FNDC3A: variants seen among roughly 807,000 people sequenced by gnomAD.
FNDC3A encodes fibronectin type III domain containing 3A, also known as fibronectin type-III domain-containing protein 3A.
In FNDC3A, 32 loss-of-function variants were observed where a neutral mutation model predicts 148.9. The ratio of observed to expected loss-of-function variants is 0.21; its 90% CI spans 0.16 to 0.29. FNDC3A has a LOEUF of 0.29. Among genes scored for constraint, FNDC3A ranks in the 10% least tolerant of loss-of-function variants. FNDC3A has a pLI of 1.00. For missense variants in FNDC3A, 1,191 were observed against 1,452.8 expected, an observed-to-expected ratio of 0.82 and a Z score of 2.93; for synonymous variants, 472 against 473.6, an observed-to-expected ratio of 1.00 and a Z score of 0.04.
At chr13:49,168,985 CAT>C (rs1395019047) in intron 10 of FNDC3A, among the ~76,000 whole-genome samples, 1 of 152,140 alleles carries the variant, frequency 6.6e-6, no homozygotes, top group Non-Finnish European at 1.5e-5. Context: ...TTACATTGCA[CAT>C]GTGATGACAT....
At chr13:49,137,336 T>C (rs529398420) in intron 6 of FNDC3A, among the ~76,000 whole-genome samples, 3 of 152,070 alleles carry the variant, frequency 2.0e-5, no homozygotes, top group African/African-American at 4.8e-5. Flanking sequence ...CTTTGTTTTA[T>C]TGGTTTTTGT....
At chr13:49,195,597 T>G (rs1886108331) in intron 19 of FNDC3A, among the ~76,000 whole-genome samples, 1 of 152,244 alleles carries the variant, frequency 6.6e-6, no homozygotes, top group South Asian at 2.1e-4. Context: ...ACTTGATATT[T>G]TTAAAATCCC....
intron 2 of FNDC3A, among the ~76,000 whole-genome samples, chr13:49,050,163 T>C (rs1875733759): frequency 6.6e-6 from 1 of 152,220 alleles, no homozygotes. Context: ...ATGTTCGTTA[T>C]TTCTTTTCTT....
intron 4 of FNDC3A, among the ~76,000 whole-genome samples, chr13:49,130,533 T>G (rs1407134561): frequency 6.6e-6 from 1 of 152,146 alleles, no homozygotes; most frequent in Non-Finnish European, 1.5e-5. Flanking sequence ...CCAAAATTAC[T>G]CCATCAGGAA....
At chr13:49,172,224 G>C in intron 11 of FNDC3A, 128 bp downstream of exon 11, 1 of 532,730 alleles carries the variant, frequency 1.9e-6, no homozygotes, top group Non-Finnish European at 3.3e-6. Context: ...ATTTTGTGTG[G>C]TGCATGAGTG....
At chr13:49,202,353 T>G (rs1235811595) in intron 24 of FNDC3A, among the ~76,000 whole-genome samples, 5 of 152,228 alleles carry the variant, frequency 3.3e-5, no homozygotes, top group Admixed American at 2.0e-4. Flanking sequence ...CTTGGTCATC[T>G]GTTAAGCAAA....
At chr13:48,978,304 G>A (rs1483427041) in intron 1 of FNDC3A, among the ~76,000 whole-genome samples, 1 of 151,790 alleles carries the variant, frequency 6.6e-6, no homozygotes, top group Non-Finnish European at 1.5e-5. Flanking sequence ...TTAACCCCCC[G>A]AAAAAAAGAG....
rs1289382636 is a variant in FNDC3A, at chr13:49,070,908, C to CT, written c.100-4373dup. On this transcript the variant is annotated intron_variant, in intron 2 of 25. Transcript: ENST00000492622. ...TTTTTTTTTTTGTTTTGTTTTTTTT[C>CT]TTTTTTTTGAGACAGGATCTCACTT... is the stretch of plus-strand genomic sequence containing the variant. 5.2e-3 allele frequency among the ~76,000 whole-genome samples: 389 copies of CT among 74,648 alleles called. 4 individuals carry two copies. The highest frequency in any genetic ancestry group is 0.017 in the African/African-American group (358 of 20,942). The allele number at this position is 74,648 out of a possible 152,430, so 49.0% of individuals were successfully genotyped here.
At chr13:49,175,153 A>G (rs2138063553) in intron 12 of FNDC3A, among the ~76,000 whole-genome samples, 1 of 152,326 alleles carries the variant, frequency 6.6e-6, no homozygotes, top group African/African-American at 2.4e-5. Context: ...AAGGCTTACA[A>G]ATCTGAACAA....
chr13:49,157,522 G>A lies in FNDC3A; in HGVS notation c.978-9722G>A, dbSNP rs1487847610. ...GTCTGAAGCCTTCTTCTCTCAGCTC[G>A]TCAAAGTCATTCTCCATCCAGCTTT... On this transcript the variant is annotated intron_variant, in intron 8 of 25. Transcript: ENST00000492622. 1.0e-4 allele frequency among the ~76,000 whole-genome samples: 15 copies of A among 149,314 alleles called. No individual in the cohort carries two copies. In the South Asian group the frequency reaches 1.7e-3, roughly 17 times the overall value.
At chr13:49,055,590 C>G (rs1465044668) in intron 2 of FNDC3A, among the ~76,000 whole-genome samples, 1 of 152,210 alleles carries the variant, frequency 6.6e-6, no homozygotes, top group East Asian at 1.9e-4. Context: ...TTGGTCTCCA[C>G]AACCCCTTAT....
chr13:49,207,202 G>T lies in FNDC3A; in HGVS notation c.3404G>T (p.Gly1135Val). The change falls in exon 26 of 26, where the codon GGT (glycine) becomes GTT (valine). Residue 1135 changes from glycine to valine, a missense_variant. By Grantham distance (109) the Gly-to-Val change is moderately radical (BLOSUM62 -3). Coordinates refer to ENST00000492622, the MANE Select transcript of FNDC3A (RefSeq NM_001079673.2). ...TCTCTGGGACACCAGGACCTCGTAG[G>T]TCCCTACAGCACCACAGTGCTCTTC... ...QDSLGHQDLV[G>V]PYSTTVLFIS... 6.2e-7 allele frequency: 1 copy of T among 1,614,164 alleles called. No homozygotes were observed. The highest frequency in any genetic ancestry group is 8.5e-7 in the Non-Finnish European group (1 of 1,180,008).
At chr13:49,160,928 T>G (rs1439025372) in intron 8 of FNDC3A, among the ~76,000 whole-genome samples, 1 of 152,214 alleles carries the variant, frequency 6.6e-6, no homozygotes, top group Non-Finnish European at 1.5e-5. Context: ...AGTTATGCGG[T>G]TTTGAGTGAG....
chr13:49,184,951 G>A (rs1318685383), intron 14 of FNDC3A, among the ~76,000 whole-genome samples: 1 of 149,168 alleles, frequency 6.7e-6, no homozygotes, highest in Non-Finnish European at 1.5e-5. Flanking sequence ...GCATAAGGGG[G>A]AGGGGGGTGG....
chr13:49,073,745 A>ATG, intron 2 of FNDC3A, among the ~76,000 whole-genome samples: 1 of 146,576 alleles, frequency 6.8e-6, no homozygotes, highest in East Asian at 2.0e-4. Flanking sequence ...TATATAATAT[A>ATG]TGTGTATATA....
chr13:49,013,017 T>C (rs1326514521), intron 2 of FNDC3A, among the ~76,000 whole-genome samples: 2 of 152,158 alleles, frequency 1.3e-5, no homozygotes, highest in African/African-American at 2.4e-5. Flanking sequence ...ATATTCTTTC[T>C]AAGATCTAAA....
rs573758618 is a variant in FNDC3A, at chr13:49,094,772, C to T, written c.175+19408C>T. On this transcript the variant is annotated intron_variant, in intron 3 of 25. Transcript: ENST00000492622. ...AAACCAATCCAGGGACTAGAAAATACTTCCAAGAGGACACTTACAGGGTGA... is the reference window on the plus strand; with the variant it reads ...AAACCAATCCAGGGACTAGAAAATATTTCCAAGAGGACACTTACAGGGTGA... Among the ~76,000 whole-genome samples, 146 of 152,146 alleles carry T rather than the reference C, an allele frequency of 9.6e-4. 1 individual carries two copies. The highest frequency in any genetic ancestry group is 3.4e-3 in the African/African-American group (140 of 41,540).
intron 1 of FNDC3A, among the ~76,000 whole-genome samples, chr13:48,992,257 T>C (rs948029485): frequency 1.1e-4 from 17 of 152,196 alleles, no homozygotes; most frequent in African/African-American, 4.1e-4. Flanking sequence ...TTCTTAAGTA[T>C]AGCATTGAAA....
intron 2 of FNDC3A, among the ~76,000 whole-genome samples, chr13:49,069,296 G>A (rs1359683838): frequency 2.0e-5 from 3 of 152,172 alleles, no homozygotes; most frequent in Non-Finnish European, 4.4e-5. Flanking sequence ...GGCCTCCTGA[G>A]TTAATCCTCT....
Sources: gnomAD v4.1 joint callset for allele counts (sites outside exome capture counted in the v4.1 genomes callset) on GRCh38, gnomAD v4.1.1 for gene constraint, MANE v1.5 for transcripts, NCBI Gene and HGNC (gene_info 2026-07-23, HGNC 2026-07-21) for gene names.